Variants in CDK12 observed in about 807,000 individuals in gnomAD.
CDK12 encodes cyclin dependent kinase 12, also known as cyclin-dependent kinase 12.
Under a neutral mutation model 133.8 loss-of-function variants are expected in CDK12, and 17 were observed. The observed-to-expected ratio is 0.13, with a 90% CI of 0.09 to 0.19. The LOEUF is 0.19. Ranked by LOEUF, CDK12 falls within the 10% of genes least tolerant of loss-of-function variation. The pLI is 1.00. For missense variants in CDK12, 1,508 were observed against 1,818.7 expected (o/e 0.83, Z 3.11); for synonymous variants, 694 against 683.6 (o/e 1.02, Z -0.24).
At chr17:39,522,822 G>A (rs2054264302) in intron 11 of CDK12, among the ~76,000 whole-genome samples, 1 of 152,132 alleles carries the variant, frequency 6.6e-6, no homozygotes, top group African/African-American at 2.4e-5. Flanking sequence ...GGAGGCCGAG[G>A]TGGATGGATC....
chr17:39,524,924 G>A lies in CDK12; in HGVS notation c.3307+39G>A, dbSNP rs199820580. 282 of 1,547,772 alleles carry A rather than the reference G, an allele frequency of 1.8e-4. 3 individuals are homozygous for A. In the African/African-American group the frequency reaches 3.2e-3, roughly 18 times the overall value. ...TGGGGCCTTTGTGCTTTTGCTAAGC[G>A]TATTTGGCAGGTTTTGAAGGTCAAG... is the stretch of plus-strand genomic sequence containing the variant. On this transcript the variant is annotated intron_variant, in intron 12 of 13. Coordinates refer to ENST00000447079, the MANE Select transcript of CDK12 (RefSeq NM_016507.4).
chr17:39,466,402 G>T (rs1221358415), intron 1 of CDK12, among the ~76,000 whole-genome samples: 1 of 150,806 alleles, frequency 6.6e-6, no homozygotes, highest in African/African-American at 2.4e-5. Context: ...ATCACCTGAG[G>T]TCGGGAGTTC....
downstream of CDK12, among the ~76,000 whole-genome samples, chr17:39,566,588 C>G (rs1458235997): frequency 6.6e-6 from 1 of 152,236 alleles, no homozygotes; most frequent in African/African-American, 2.4e-5. Context: ...CCCCCCTTCT[C>G]TGCACCTCTT....
downstream of CDK12, among the ~76,000 whole-genome samples, chr17:39,535,726 T>TA (rs1460243600): frequency 6.6e-6 from 1 of 152,192 alleles, no homozygotes; most frequent in East Asian, 1.9e-4. Context: ...TAGGCATCCT[T>TA]AACTGTATGG....
intron 2 of CDK12, among the ~76,000 whole-genome samples, chr17:39,488,658 T>A (rs978893324): frequency 6.6e-6 from 1 of 152,188 alleles, no homozygotes; most frequent in African/African-American, 2.4e-5. Flanking sequence ...GTTAAATCTT[T>A]GCTAAAATGT....
At position 39,526,190 on chromosome 17, in the gene CDK12, G is replaced by A. The variant is rs776654797; in HGVS notation, c.3634G>A (p.Val1212Ile). ...TPADMQNILA[V>I]LLSQLMKTQE... ...AGCTGACATGCAGAATATATTGGCAGTTCTCTTGAGTCAGCTGATGAAAAC... is the reference window on the plus strand; with the variant it reads ...AGCTGACATGCAGAATATATTGGCAATTCTCTTGAGTCAGCTGATGAAAAC... The change falls in exon 13 of 14, where the codon GTT (valine) becomes ATT (isoleucine). Residue 1212 changes from valine to isoleucine, a missense_variant. This residue lies in a region of CDK12 where 399 missense variants were observed against 469.6 expected (regional missense o/e 0.85). Transcript: ENST00000447079. The A allele has an allele frequency of 2.5e-6, 4 of 1,614,166 alleles. No individual in the cohort carries two copies. In the South Asian group the frequency reaches 4.4e-5, roughly 18 times the overall value.
At chr17:39,518,428 A>G (rs145441514) in intron 10 of CDK12, among the ~76,000 whole-genome samples, 48 of 151,638 alleles carry the variant, frequency 3.2e-4, no homozygotes, top group African/African-American at 8.9e-4. Context: ...CAGCCCCCCA[A>G]ATTGCTGGGC....
At chr17:39,497,065 G>T (rs986572394) in intron 5 of CDK12, among the ~76,000 whole-genome samples, 1 of 151,748 alleles carries the variant, frequency 6.6e-6, no homozygotes, top group Non-Finnish European at 1.5e-5. Context: ...GGAGTAGCTG[G>T]GCTTAAACAG....
chr17:39,549,365 T>G (rs1195229716), upstream of CDK12: 1 of 152,288 alleles, frequency 6.6e-6, no homozygotes, highest in Non-Finnish European at 1.5e-5. Flanking sequence ...CAGCTCTGCT[T>G]CTTCTTTTTG....
At chr17:39,467,837 C>T (rs1032734024) in intron 1 of CDK12, among the ~76,000 whole-genome samples, 17 of 151,808 alleles carry the variant, frequency 1.1e-4, no homozygotes, top group Non-Finnish European at 2.2e-4. Flanking sequence ...ATTTTATATT[C>T]TCATGTTCAT....
chr17:39,511,449 T>G, intron 7 of CDK12, 80 bp from the exon 8 acceptor site: 1 of 901,838 alleles, frequency 1.1e-6, no homozygotes, highest in Admixed American at 2.0e-5. Context: ...GGCACCTATT[T>G]CTATTTGCAT....
downstream of CDK12, among the ~76,000 whole-genome samples, chr17:39,565,571 T>C (rs1439506093): frequency 6.6e-6 from 1 of 151,648 alleles, no homozygotes; most frequent in Non-Finnish European, 1.5e-5. Flanking sequence ...GTAGCTGGGA[T>C]TACAGGCATG....
chr17:39,495,007 G>C (rs998870914), intron 5 of CDK12, among the ~76,000 whole-genome samples: 2 of 151,920 alleles, frequency 1.3e-5, no homozygotes, highest in Non-Finnish European at 2.9e-5. Context: ...TCCTGACCTC[G>C]TGATCCGCCC....
At chr17:39,543,189 G>A (rs183298015), upstream of CDK12, among the ~76,000 whole-genome samples, 4 of 152,322 alleles carry the variant, frequency 2.6e-5, no homozygotes, top group East Asian at 7.7e-4. Context: ...ATGGTAAGGG[G>A]ACCTTCTCCT....
Position 39,462,773 on chromosome 17 carries a change from T to C in CDK12, c.702T>C (p.Asp234=), listed in dbSNP as rs199889252. 1 of 1,614,178 alleles carries C rather than the reference T, an allele frequency of 6.2e-7. No homozygotes were observed. Among genetic ancestry groups the C allele is most frequent in the Non-Finnish European group, 8.5e-7 (1 of 1,180,036 alleles). Residue 234 remains aspartate (D), a synonymous_variant, in exon 1 of 14, where the codon GAT becomes GAC. Transcript: ENST00000447079. ...HRKWSDSSKQ[D]DSPSGASYGQ... is the part of the protein sequence containing the mutation. ...AGTGGTCTGACAGCTCCAAACAAGA[T>C]GATAGCCCCTCGGGAGCTTCTTATG...
At chr17:39,503,499 G>T (rs930099770) in intron 6 of CDK12, among the ~76,000 whole-genome samples, 3 of 152,130 alleles carry the variant, frequency 2.0e-5, no homozygotes, top group Admixed American at 1.3e-4. Flanking sequence ...CAACTTTCTG[G>T]CCTATAGTAT....
chr17:39,485,407 CCT>C (rs1491332053), intron 2 of CDK12, among the ~76,000 whole-genome samples: 38 of 133,066 alleles, frequency 2.9e-4, no homozygotes, highest in Middle Eastern at 3.7e-3. Context: ...GCATCCCCCC[CCT>C]TTTTTTTTTT....
Position 39,494,365 on chromosome 17 carries a change from G to A in CDK12, c.2249-159G>A, listed in dbSNP as rs112883947. 1.3e-3 allele frequency among the ~76,000 whole-genome samples: 195 copies of A among 152,308 alleles called. 2 individuals are homozygous for A. The highest frequency in any genetic ancestry group is 2.1e-3 in the Non-Finnish European group (142 of 68,028). On this transcript the variant is annotated intron_variant, in intron 4 of 13. Coordinates refer to ENST00000447079, the MANE Select transcript of CDK12 (RefSeq NM_016507.4). ...TGGGATTACAGGTGTGAGCCAGTGC[G>A]CCTGGCCTAGAGTTTACTTTTTAAA... is the stretch of plus-strand genomic sequence containing the variant.
chr17:39,547,198 C>T (rs1409794725), upstream of CDK12, among the ~76,000 whole-genome samples: 6 of 143,664 alleles, frequency 4.2e-5, no homozygotes, highest in African/African-American at 1.3e-4. Context: ...TGCAATGGCA[C>T]GATCTTGGCT....
Sources: allele counts gnomAD v4.1 joint callset (sites outside exome capture counted in the v4.1 genomes callset), GRCh38; gene constraint gnomAD v4.1.1; regional missense constraint gnomAD v4.1.1; transcripts MANE v1.5; gene names NCBI Gene and HGNC (gene_info 2026-07-23, HGNC 2026-07-21).